The following KALRN variants were observed in gnomAD, a reference collection of about 807,000 sequenced individuals.
KALRN encodes kalirin RhoGEF kinase.
KALRN carries 70 observed loss-of-function variants against 353.7 expected under a neutral mutation model. That is an observed-to-expected ratio of 0.20 (90% CI 0.16 to 0.24). KALRN has a LOEUF of 0.24. Among genes scored for constraint, KALRN ranks in the 10% least tolerant of loss-of-function variants. The pLI is 1.00. For synonymous variants in KALRN, 1,391 were observed against 1,434.8 expected (o/e 0.97, Z 0.69); for missense variants, 2,791 against 3,756.7 (o/e 0.74, Z 6.72).
intron 8 of KALRN, among the ~76,000 whole-genome samples, chr3:124,333,928 T>C (rs552889856): frequency 3.3e-5 from 5 of 152,170 alleles, no homozygotes; most frequent in African/African-American, 7.2e-5. Flanking sequence ...ACCAAATGCC[T>C]ACTGTGTGCC....
chr3:124,120,063 T>C (rs980814902), intron 1 of KALRN, among the ~76,000 whole-genome samples: 2 of 152,182 alleles, frequency 1.3e-5, no homozygotes, highest in African/African-American at 4.8e-5. Flanking sequence ...ACTGACTTTC[T>C]TAGTTGTGGC....
intron 34 of KALRN, among the ~76,000 whole-genome samples, chr3:124,584,427 T>C (rs929540355): frequency 7.9e-5 from 12 of 152,130 alleles, no homozygotes; most frequent in African/African-American, 1.9e-4. Flanking sequence ...CCAACGCCCA[T>C]TGTGGTGGCC....
intron 1 of KALRN, among the ~76,000 whole-genome samples, chr3:124,095,246 C>G (rs1343205565): frequency 6.6e-6 from 1 of 152,124 alleles, no homozygotes; most frequent in Non-Finnish European, 1.5e-5. Context: ...CTCTGAGAAG[C>G]AGTGCAGAAG....
At chr3:124,717,786 C>A (rs1450372016) in intron 59 of KALRN, among the ~76,000 whole-genome samples, 1 of 152,090 alleles carries the variant, frequency 6.6e-6, no homozygotes, top group Non-Finnish European at 1.5e-5. Flanking sequence ...AATTCAAATT[C>A]ATTTTATTTA....
chr3:124,541,183 C>T (rs1044167607), intron 33 of KALRN, among the ~76,000 whole-genome samples: 1 of 152,162 alleles, frequency 6.6e-6, no homozygotes, highest in Non-Finnish European at 1.5e-5. Context: ...GGCATGGTGG[C>T]TCACGCCTGT....
chr3:124,580,370 G>A (rs1402253872), intron 34 of KALRN, among the ~76,000 whole-genome samples: 1 of 151,792 alleles, frequency 6.6e-6, no homozygotes, highest in Non-Finnish European at 1.5e-5. Context: ...GTGTGGGGGT[G>A]GGTGGGGAGG....
At chr3:124,354,365 G>C (rs1011151368) in intron 10 of KALRN, among the ~76,000 whole-genome samples, 5 of 152,168 alleles carry the variant, frequency 3.3e-5, no homozygotes, top group Admixed American at 3.3e-4. Context: ...AAGTTTTCTG[G>C]ACTGTGTTCT....
intron 11 of KALRN, among the ~76,000 whole-genome samples, chr3:124,385,965 A>G (rs1039158853): frequency 6.6e-6 from 1 of 152,082 alleles, no homozygotes; most frequent in African/African-American, 2.4e-5. Flanking sequence ...GAAAAAAAAA[A>G]TAGCCCTACT....
Position 124,518,555 on chromosome 3 carries a change from A to C in KALRN, c.4935+22142A>C. On this transcript the variant is annotated intron_variant, in intron 33 of 59. Coordinates refer to ENST00000682506, the MANE Select transcript of KALRN (RefSeq NM_001388419.1). ...GGACTCCAATCACCCACCTCTCTTG[A>C]GACTTCTCTGGCAGGGCTGGTGTGG... 4 of 1,609,314 alleles carry C rather than the reference A, an allele frequency of 2.5e-6. No individual in the cohort carries two copies. The South Asian group carries it at 4.4e-5, about 18-fold the overall frequency.
intron 6 of KALRN, among the ~76,000 whole-genome samples, chr3:124,300,535 GA>G (rs1418924193): frequency 6.6e-6 from 1 of 152,212 alleles, no homozygotes; most frequent in Non-Finnish European, 1.5e-5. Context: ...TGCTGGCTCT[GA>G]AACTTTCCAA....
chr3:124,550,983 C>T (rs535118906), intron 33 of KALRN, among the ~76,000 whole-genome samples: 55 of 151,894 alleles, frequency 3.6e-4, no homozygotes, highest in Non-Finnish European at 5.4e-4. Context: ...AGCAAGACTC[C>T]GTCTCAAAAT....
intron 5 of KALRN, among the ~76,000 whole-genome samples, chr3:124,277,479 A>G (rs1486433886): frequency 1.3e-5 from 2 of 152,044 alleles, no homozygotes; most frequent in African/African-American, 4.8e-5. Flanking sequence ...GGGAATTTCG[A>G]CTTACTTTTT....
chr3:124,704,894 CT>C (rs1435123265), intron 57 of KALRN, among the ~76,000 whole-genome samples: 5 of 152,208 alleles, frequency 3.3e-5, no homozygotes, highest in Non-Finnish European at 7.3e-5. Flanking sequence ...GGAAAGATAT[CT>C]GTGCCAGGGC....
chr3:124,670,985 T>C (rs934786601), intron 47 of KALRN, among the ~76,000 whole-genome samples: 1 of 152,112 alleles, frequency 6.6e-6, no homozygotes, highest in African/African-American at 2.4e-5. Context: ...CCCACATCCA[T>C]TCCACATCCC....
chr3:124,316,948 C>T (rs977788190), intron 6 of KALRN, among the ~76,000 whole-genome samples: 27 of 152,270 alleles, frequency 1.8e-4, no homozygotes, highest in African/African-American at 5.5e-4. Flanking sequence ...AACTTTCTTG[C>T]GGTTCTATGG....
intron 10 of KALRN, among the ~76,000 whole-genome samples, chr3:124,381,078 A>G (rs781677579): frequency 2.0e-5 from 3 of 152,234 alleles, no homozygotes; most frequent in Non-Finnish European, 2.9e-5. Context: ...AGCAGGTACC[A>G]TGGAGAGGGT....
chr3:124,460,080 A>G (rs1358983624), intron 23 of KALRN, among the ~76,000 whole-genome samples: 2 of 152,198 alleles, frequency 1.3e-5, no homozygotes, highest in African/African-American at 2.4e-5. Flanking sequence ...TTCCGTGCTC[A>G]CGTGGCATAA....
intron 9 of KALRN, among the ~76,000 whole-genome samples, chr3:124,344,524 CA>C (rs2082082866): frequency 6.6e-6 from 1 of 152,218 alleles, no homozygotes; most frequent in Non-Finnish European, 1.5e-5. Context: ...GAATCTTTAA[CA>C]ATACTTCATA....
chr3:124,233,346 G>A (rs1220940198), intron 2 of KALRN, among the ~76,000 whole-genome samples: 1 of 152,192 alleles, frequency 6.6e-6, no homozygotes, highest in East Asian at 1.9e-4. Flanking sequence ...TTCCTCATGT[G>A]GAAGGCAATG....
Sources: allele counts gnomAD v4.1 joint callset (sites outside exome capture counted in the v4.1 genomes callset), GRCh38; gene constraint gnomAD v4.1.1; transcripts MANE v1.5; gene names NCBI Gene and HGNC (gene_info 2026-07-23, HGNC 2026-07-21).